The following GOT1L1 variants were observed in gnomAD, a reference collection of about 807,000 sequenced individuals.
The protein encoded by GOT1L1 is glutamic-oxaloacetic transaminase 1 like 1, also known as aspartate aminotransferase, cytoplasmic 2.
Under a neutral mutation model 43.6 loss-of-function variants are expected in GOT1L1, and 38 were observed. That is an observed-to-expected ratio of 0.87 (90% CI 0.67 to 1.14). The LOEUF is 1.14. Ranked by LOEUF, GOT1L1 falls within the 50% of genes most tolerant of loss-of-function variation. The pLI is 0.00. For synonymous variants in GOT1L1, 183 were observed against 187.2 expected, an observed-to-expected ratio of 0.98 and a Z score of 0.18; for missense variants, 482 against 504.0, an observed-to-expected ratio of 0.96 and a Z score of 0.42.
chr8:37,938,878 C>A lies in GOT1L1; in HGVS notation c.119G>T (p.Cys40Phe). Residue 40 changes from cysteine (C) to phenylalanine (F), a missense_variant, in exon 2 of 9, where the codon TGC (cysteine) becomes TTC (phenylalanine). Coordinates refer to ENST00000307599, the MANE Select transcript of GOT1L1 (RefSeq NM_152413.3). ...CCAGGGATGGCCTTCATTTGTCATG[C>A]AGACTGTGAGGAAAACCACAGAGGG... ...PNKIFLAYRVCMTNEGHPWVS... is the reference protein window; with the variant it reads ...PNKIFLAYRVFMTNEGHPWVS... 1 of 1,613,382 alleles carries A rather than the reference C, an allele frequency of 6.2e-7. No homozygotes were observed. The highest frequency in any genetic ancestry group is 1.3e-5 in the African/African-American group (1 of 75,046).
rs1338621354 is a variant in GOT1L1 at position 37,939,909 on chromosome 8, A to G, written c.115+6T>C. 1.2e-6 allele frequency: 2 copies of G among 1,612,088 alleles called. No individual in the cohort carries two copies. Among genetic ancestry groups the G allele is most frequent in the South Asian group, 2.2e-5 (2 of 90,772 alleles). ...GTCTTATACTTCAGAACTGCTAGGC[A>G]TCTACCTCTATAGGCTAAGAATATC... On this transcript the variant is annotated splice_donor_region_variant and intron_variant, in intron 1 of 8. Coordinates refer to ENST00000307599, the MANE Select transcript of GOT1L1 (RefSeq NM_152413.3).
chr8:37,938,775 C>T lies in GOT1L1; in HGVS notation c.222G>A (p.Met74Ile), dbSNP rs1297012511. Residue 74 changes from methionine (M) to isoleucine (I), a missense_variant, in exon 2 of 9, where the codon ATG (methionine) becomes ATA (isoleucine). Transcript: ENST00000307599. ...PSLNYEYLPT[M>I]GLKSFIQASL... ...AGGCCTGGATGAATGATTTCAGGCCCATGGTGGGCAAGTACTCATAATTCA... is the reference window on the plus strand; with the variant it reads ...AGGCCTGGATGAATGATTTCAGGCCTATGGTGGGCAAGTACTCATAATTCA... The T allele has an allele frequency of 1.9e-6, 3 of 1,612,102 alleles. No individual in the cohort carries two copies. Among genetic ancestry groups the T allele is most frequent in the East Asian group, 4.5e-5 (2 of 44,806 alleles).
chr8:37,934,481 G>C lies in GOT1L1; in HGVS notation c.1078C>G (p.Gln360Glu). Residue 360 changes from glutamine (Q) to glutamate (E), a missense_variant, in exon 9 of 9, where the codon CAG becomes GAG. Gln to Glu is a conservative substitution (Grantham distance 29, BLOSUM62 2). Coordinates refer to ENST00000307599, the MANE Select transcript of GOT1L1 (RefSeq NM_152413.3). ...TTCTTCCTGACCAGGTATTCCACCT[G>C]CTGGGCTAAAATCATGACAAGGTCT... is the stretch of plus-strand genomic sequence containing the variant. ...THGYLGLNSQ[Q>E]VEYLVRKKHI... 1 of 1,611,724 alleles carries C rather than the reference G, an allele frequency of 6.2e-7. No individual in the cohort carries two copies.
rs562957506 is a variant in GOT1L1 at position 37,934,851 on chromosome 8, C to G, written c.1072+222G>C. On this transcript the variant is annotated intron_variant, in intron 8 of 8. Transcript: ENST00000307599. ...TCGGCCTCTCAAAGTGTTGGGATTA[C>G]AGGCATGAGCCACTGCACCGGGCAC... 54 of 594,770 alleles carry G rather than the reference C, an allele frequency of 9.1e-5. No individual in the cohort carries two copies. In the South Asian group the frequency reaches 1.2e-3, roughly 13 times the overall value. The allele number at this position is 594,770 out of a possible 1,614,324, so 36.8% of individuals were successfully genotyped here.
At position 37,935,755 on chromosome 8, in the gene GOT1L1, C is replaced by G; in HGVS notation, c.878G>C (p.Gly293Ala). ...QALWLNPPNT[G>A]ARVITSILCN... ...GAGGATGGAGGTGATGACACGTGCA[C>G]CCGTGTTGGGGGGGTTTAGCCACAG... is the stretch of plus-strand genomic sequence containing the variant. Residue 293 changes from glycine (G) to alanine (A), a missense_variant, in exon 7 of 9, where the codon GGT becomes GCT. Physicochemically the swap from Gly to Ala is moderately conservative, Grantham distance 60 (BLOSUM62 0). Coordinates refer to ENST00000307599, the MANE Select transcript of GOT1L1 (RefSeq NM_152413.3). The G allele has an allele frequency of 6.2e-7, 1 of 1,611,500 alleles. No homozygotes were observed. The highest frequency in any genetic ancestry group is 2.2e-5 in the East Asian group (1 of 44,670).
At chr8:37,938,905 G>A in intron 1 of GOT1L1, 24 bp from the exon 2 acceptor site, 1 of 1,610,728 alleles carries the variant, frequency 6.2e-7, no homozygotes, top group Non-Finnish European at 8.5e-7. Flanking sequence ...CACAGAGGGA[G>A]CTCCAGATGC....
intron 4 of GOT1L1, 102 bp from the exon 5 acceptor site, chr8:37,937,159 G>T: frequency 7.7e-7 from 1 of 1,298,980 alleles, no homozygotes; most frequent in African/African-American, 1.5e-5. Flanking sequence ...TACCATTGAA[G>T]GGCCAGGCAA....
At chr8:37,935,918 C>A in intron 6 of GOT1L1, 49 bp from the exon 7 acceptor site, 4 of 1,585,156 alleles carry the variant, frequency 2.5e-6, no homozygotes, top group Non-Finnish European at 2.6e-6. Flanking sequence ...CCTCCACTCC[C>A]AAGGCCTTCA....
In GOT1L1 at chr8:37,935,829, G is replaced by T. The variant is rs766248485; in HGVS notation, c.804C>A (p.Asn268Lys). ...GGGAGAGGACACACAGCAGCTGCTG[G>T]TTGTTGACTGCCACCACCACTAGCA... ...VGMLVVVAVN[N>K]QQLLCVLSQL... The change falls in exon 7 of 9, where the codon AAC becomes AAA. Residue 268 changes from asparagine (N) to lysine (K), a missense_variant. Coordinates refer to ENST00000307599, the MANE Select transcript of GOT1L1 (RefSeq NM_152413.3). 1.6e-5 allele frequency: 26 copies of T among 1,613,020 alleles called. No homozygotes were observed. Among genetic ancestry groups the T allele is most frequent in the South Asian group, 9.9e-5 (9 of 90,848 alleles).
chr8:37,935,142 G>A lies in GOT1L1; in HGVS notation c.1003C>T (p.Leu335=). 1 of 1,613,238 alleles carries A rather than the reference G, an allele frequency of 6.2e-7. No individual in the cohort carries two copies. Among genetic ancestry groups the A allele is most frequent in the Non-Finnish European group, 8.5e-7 (1 of 1,179,586 alleles). ...TGACCCCAGGACCCAGGGGTTCCCA[G>A]GAGCTGGAGTTTCTCCTTCACTTTT... ...KEKVKEKLQL[L]GTPGSWGHIT... Residue 335 remains leucine, a synonymous_variant, in exon 8 of 9, where the codon CTG becomes TTG. Transcript: ENST00000307599.
rs769060384 is a variant in GOT1L1, at chr8:37,935,190, C to T, written c.955G>A (p.Glu319Lys). The change falls in exon 8 of 9, where the codon GAG becomes AAG. Residue 319 changes from glutamate (E) to lysine (K), a missense_variant. Glu to Lys is a moderately conservative substitution (Grantham distance 56, BLOSUM62 1). Transcript: ENST00000307599. ...TTTTCCTTGGTTAGCATGATGTTCTCTACAACTTCTTTTAGACTCTGCTTC... is the reference window on the plus strand; with the variant it reads ...TTTTCCTTGGTTAGCATGATGTTCTTTACAACTTCTTTTAGACTCTGCTTC... ...EWKQSLKEVVENIMLTKEKVK... is the reference protein window; with the variant it reads ...EWKQSLKEVVKNIMLTKEKVK... 2.5e-6 allele frequency: 4 copies of T among 1,604,074 alleles called. No individual in the cohort carries two copies. Among genetic ancestry groups the T allele is most frequent in the East Asian group, 2.2e-5 (1 of 44,644 alleles).
intron 6 of GOT1L1, among the ~76,000 whole-genome samples, chr8:37,936,257 C>T (rs1041245559): frequency 6.6e-6 from 1 of 152,062 alleles, no homozygotes; most frequent in African/African-American, 2.4e-5. Context: ...AGCAATCCTC[C>T]TGCCTCAGCC....
At chr8:37,937,549 T>C (rs1025846261) in intron 3 of GOT1L1, 89 bp downstream of exon 3, 1 of 1,102,848 alleles carries the variant, frequency 9.1e-7, no homozygotes, top group Non-Finnish European at 1.3e-6. Context: ...TGACAGAGAA[T>C]GAGGGATAAC....
In GOT1L1 at chr8:37,937,337, G is replaced by A; in HGVS notation, c.459C>T (p.Tyr153=). ...ATAGCTTCTTGGGGTCCCAGACAGA[G>A]TATTCATAAACTGTAAAGCCCATGT... ...FQDMGFTVYE[Y]SVWDPKKLCM... is the part of the protein sequence containing the mutation. Residue 153 remains tyrosine (Y), a synonymous_variant, in exon 4 of 9, where the codon TAC becomes TAT. Transcript: ENST00000307599. 1.2e-6 allele frequency: 2 copies of A among 1,610,922 alleles called. No homozygotes were observed. The highest frequency in any genetic ancestry group is 1.7e-6 in the Non-Finnish European group (2 of 1,178,720).
At position 37,935,110 on chromosome 8, in the gene GOT1L1, G is replaced by A. The variant is rs28589845; in HGVS notation, c.1035C>T (p.Thr345=). 2,570 of 1,613,582 alleles carry A rather than the reference G, an allele frequency of 1.6e-3. 49 individuals are homozygous for A. In the African/African-American group the frequency reaches 0.03, roughly 19 times the overall value. The change falls in exon 8 of 9, where the codon ACC becomes ACT. Residue 345 remains threonine (T), a synonymous_variant. Transcript: ENST00000307599. ...GATAGCCGTGGGTCCCACTCTGCTC[G>A]GTGATGTGACCCCAGGACCCAGGGG... ...LGTPGSWGHI[T]EQSGTHGYLG...
rs779086496 is a variant in GOT1L1, at chr8:37,936,728, C to T, written c.755G>A (p.Gly252Asp). 1 of 1,610,242 alleles carries T rather than the reference C, an allele frequency of 6.2e-7. No individual in the cohort carries two copies. The highest frequency in any genetic ancestry group is 1.1e-5 in the South Asian group (1 of 90,944). Reference protein sequence around the residue: ...FCSQSLSKNFGIYDEGVGMLV... With the variant: ...FCSQSLSKNFDIYDEGVGMLV... Reference sequence around the variant, plus strand: ...TTCTGCCTGTACCATACCATAAATGCCAAAATTCTTGGACAGAGACTGGCT... The same window carrying T: ...TTCTGCCTGTACCATACCATAAATGTCAAAATTCTTGGACAGAGACTGGCT... Residue 252 changes from glycine (G) to aspartate (D), a missense_variant, in exon 6 of 9, where the codon GGC becomes GAC. Gly to Asp is a moderately conservative substitution (Grantham distance 94, BLOSUM62 -1). Coordinates refer to ENST00000307599, the MANE Select transcript of GOT1L1 (RefSeq NM_152413.3).
At chr8:37,935,999 G>T in intron 6 of GOT1L1, 130 bp from the exon 7 acceptor site, 1 of 1,008,666 alleles carries the variant, frequency 9.9e-7, no homozygotes, top group Non-Finnish European at 1.4e-6. Flanking sequence ...GCCCAGCCAG[G>T]GTGATATTCA....
intron 7 of GOT1L1, 43 bp from the exon 8 acceptor site, chr8:37,935,258 C>T (rs750053839): frequency 6.5e-7 from 1 of 1,537,188 alleles, no homozygotes; most frequent in South Asian, 1.2e-5. Context: ...TGAGGTCCCC[C>T]TTGCCCTCAA....
At chr8:37,937,941 T>G (rs1807808069) in intron 2 of GOT1L1, among the ~76,000 whole-genome samples, 192 bp from the exon 3 acceptor site, 1 of 152,156 alleles carries the variant, frequency 6.6e-6, no homozygotes. Flanking sequence ...CTCAAGAGGC[T>G]GAGGCAGGAG....
Sources: allele counts gnomAD v4.1 joint callset (sites outside exome capture counted in the v4.1 genomes callset), GRCh38; gene constraint gnomAD v4.1.1; transcripts MANE v1.5; gene names NCBI Gene and HGNC (gene_info 2026-07-23, HGNC 2026-07-21).